IQGAP2: variants seen among roughly 807,000 people sequenced by gnomAD.
The protein encoded by IQGAP2 is ras GTPase-activating-like protein IQGAP2.
Under a neutral mutation model 201.3 loss-of-function variants are expected in IQGAP2, and 173 were observed. The ratio of observed to expected loss-of-function variants is 0.86; its 90% confidence interval spans 0.76 to 0.98. The LOEUF (loss-of-function observed/expected upper bound fraction) is 0.98, where lower values mean the gene tolerates loss of function less well. IQGAP2 is among the 50% of genes least tolerant of loss of function. IQGAP2 has a pLI of 0.00. For missense variants in IQGAP2, 1,687 were observed against 1,864.8 expected, an observed-to-expected ratio of 0.90 and a Z score of 1.76; for synonymous variants, 675 against 673.9, an observed-to-expected ratio of 1.00 and a Z score of -0.03.
At chr5:76,565,142 T>C (rs1474555776) in intron 3 of IQGAP2, among the ~76,000 whole-genome samples, 2 of 152,204 alleles carry the variant, frequency 1.3e-5, no homozygotes, top group East Asian at 3.8e-4. Context: ...CCTGATCTTG[T>C]GTTCTTCAGG....
At chr5:76,628,238 T>C (rs1561528674) in intron 14 of IQGAP2, among the ~76,000 whole-genome samples, 3 of 152,188 alleles carry the variant, frequency 2.0e-5, no homozygotes, top group South Asian at 4.1e-4. Flanking sequence ...TGGGAATTAG[T>C]GGACACTTGC....
intron 2 of IQGAP2, among the ~76,000 whole-genome samples, chr5:76,532,427 T>G (rs1014138151): frequency 7.2e-6 from 1 of 139,772 alleles, no homozygotes; most frequent in African/African-American, 2.7e-5. Flanking sequence ...ACTTGATCCA[T>G]GTTGGAGAAC....
At chr5:76,535,986 A>G (rs542224151) in intron 2 of IQGAP2, among the ~76,000 whole-genome samples, 1 of 152,112 alleles carries the variant, frequency 6.6e-6, no homozygotes, top group African/African-American at 2.4e-5. Flanking sequence ...AGGAAATAAC[A>G]TTAACATTAA....
chr5:76,622,008 CAG>C (rs1749730413), intron 13 of IQGAP2, among the ~76,000 whole-genome samples: 1 of 152,100 alleles, frequency 6.6e-6, no homozygotes, highest in African/African-American at 2.4e-5. Context: ...CCTCTAGAGA[CAG>C]AAACTAAAAA....
At chr5:76,629,613 T>G (rs1750533666) in intron 14 of IQGAP2, among the ~76,000 whole-genome samples, 1 of 152,214 alleles carries the variant, frequency 6.6e-6, no homozygotes, top group South Asian at 2.1e-4. Context: ...ACCATGAAAT[T>G]TTAATGCCAC....
In IQGAP2 at chr5:76,707,436, C is replaced by T. The variant is rs1392218298; in HGVS notation, c.*123C>T. ...TAAATGTGTGATTTTTTTAAAACGA[C>T]CAAAACTGTTCTGAAGAATGTACCC... is the stretch of plus-strand genomic sequence containing the variant. On this transcript the variant is annotated 3_prime_UTR_variant, in exon 36 of 36. Coordinates refer to ENST00000274364, the MANE Select transcript of IQGAP2 (RefSeq NM_006633.5). The T allele has an allele frequency of 4.7e-6, 3 of 644,116 alleles. No individual in the cohort carries two copies. The highest frequency in any genetic ancestry group is 8.3e-6 in the Non-Finnish European group (3 of 362,314). 39.9% of individuals were successfully genotyped at this position (644,116 alleles called of 1,614,324 possible).
At chr5:76,668,182 C>T (rs1017863144) in intron 22 of IQGAP2, among the ~76,000 whole-genome samples, 14 of 152,118 alleles carry the variant, frequency 9.2e-5, no homozygotes, top group Non-Finnish European at 1.5e-5. Flanking sequence ...CATGCCCAAG[C>T]TTTGCCAGTG....
At chr5:76,647,826 C>CAT in intron 17 of IQGAP2, among the ~76,000 whole-genome samples, 1 of 149,622 alleles carries the variant, frequency 6.7e-6, no homozygotes. Flanking sequence ...CCAAACACCA[C>CAT]ACACACACAC....
chr5:76,534,980 G>A lies in IQGAP2; in HGVS notation c.147-27416G>A, dbSNP rs113491358. On this transcript the variant is annotated intron_variant, in intron 2 of 35. Transcript: ENST00000274364. ...ATTAAAGTATTTGTCCCTTGGGCAG[G>A]TGCCAAGGCTATGAAGTTGGAGCGT... 2.7e-3 allele frequency among the ~76,000 whole-genome samples: 410 copies of A among 152,262 alleles called. 3 individuals carry two copies. Among genetic ancestry groups the A allele is most frequent in the Non-Finnish European group, 3.1e-3 (214 of 68,016 alleles).
chr5:76,662,353 G>C (rs567242856), intron 21 of IQGAP2, among the ~76,000 whole-genome samples: 89 of 152,178 alleles, frequency 5.8e-4, no homozygotes, highest in Non-Finnish European at 9.9e-4. Context: ...AACTCTCTCT[G>C]TTTCTAATGC....
At chr5:76,432,243 G>A (rs890522829) in intron 1 of IQGAP2, among the ~76,000 whole-genome samples, 5 of 145,528 alleles carry the variant, frequency 3.4e-5, no homozygotes, top group Non-Finnish European at 3.0e-5. Context: ...TTGTGCCTCA[G>A]CCTCCCAAAT....
At chr5:76,477,329 A>G (rs1233264624) in intron 2 of IQGAP2, among the ~76,000 whole-genome samples, 1 of 152,236 alleles carries the variant, frequency 6.6e-6, no homozygotes, top group Admixed American at 6.5e-5. Context: ...TGAAAGAGTG[A>G]TACCCTGTCT....
chr5:76,608,349 T>C (rs570339839), intron 12 of IQGAP2, among the ~76,000 whole-genome samples: 24 of 152,374 alleles, frequency 1.6e-4, no homozygotes, highest in African/African-American at 5.8e-4. Context: ...GGAACTTTAA[T>C]ACAGAGTATT....
intron 21 of IQGAP2, among the ~76,000 whole-genome samples, chr5:76,659,155 C>T (rs528854326): frequency 5.3e-5 from 8 of 152,148 alleles, no homozygotes; most frequent in Admixed American, 2.6e-4. Flanking sequence ...AGTGGTTCTT[C>T]GTCTGTAAAA....
chr5:76,455,453 C>CAAA (rs59978990), intron 1 of IQGAP2, among the ~76,000 whole-genome samples: 11 of 81,150 alleles, frequency 1.4e-4, no homozygotes, highest in South Asian at 4.5e-4. Flanking sequence ...GACTCTGTCT[C>CAAA]AAAAAAAAAA....
intron 5 of IQGAP2, among the ~76,000 whole-genome samples, chr5:76,587,053 G>GT (rs1179769173): frequency 6.6e-6 from 1 of 152,160 alleles, no homozygotes; most frequent in East Asian, 1.9e-4. Flanking sequence ...GGTATTTATG[G>GT]TTTTTTCTCT....
intron 20 of IQGAP2, 54 bp downstream of exon 20, chr5:76,655,057 A>C: frequency 7.7e-7 from 1 of 1,299,014 alleles, no homozygotes; most frequent in Non-Finnish European, 1.1e-6. Flanking sequence ...CCAGGCAAGG[A>C]CATATTGGTC....
intron 13 of IQGAP2, among the ~76,000 whole-genome samples, chr5:76,619,769 C>G (rs1029486893): frequency 6.6e-6 from 1 of 152,086 alleles, no homozygotes; most frequent in Non-Finnish European, 1.5e-5. Flanking sequence ...CTGCCCGCCT[C>G]GGCCACCCAA....
chr5:76,683,109 A>C lies in IQGAP2; in HGVS notation c.3661-6A>C. On this transcript the variant is annotated splice_region_variant and splice_polypyrimidine_tract_variant and intron_variant, in intron 28 of 35. Transcript: ENST00000274364. ...TCTTTGTGTGTGTGTTGCTTTCTAC[A>C]TAAAGCTCCTGTTGGAACACCAGGA... 6.3e-7 allele frequency: 1 copy of C among 1,587,518 alleles called. No homozygotes were observed. Among genetic ancestry groups the C allele is most frequent in the Non-Finnish European group, 8.6e-7 (1 of 1,160,022 alleles).
Sources: allele counts gnomAD v4.1 joint callset (sites outside exome capture counted in the v4.1 genomes callset), GRCh38; gene constraint gnomAD v4.1.1; transcripts MANE v1.5; gene names NCBI Gene and HGNC (gene_info 2026-07-23, HGNC 2026-07-21).